Variants in DCC observed in about 807,000 individuals in gnomAD.
DCC encodes DCC netrin 1 receptor, also known as netrin receptor DCC.
DCC carries 58 observed loss-of-function variants against 172.5 expected under a neutral mutation model. That is an observed-to-expected ratio of 0.34 (90% CI 0.27 to 0.42). The LOEUF is 0.42. Among genes scored for constraint, DCC ranks in the 10% least tolerant of loss-of-function variants. DCC has a pLI of 1.00. For synonymous variants in DCC, 709 were observed against 644.5 expected, an observed-to-expected ratio of 1.10 and a Z score of -1.52; for missense variants, 1,740 against 1,791.0, an observed-to-expected ratio of 0.97 and a Z score of 0.51.
intron 1 of DCC, among the ~76,000 whole-genome samples, chr18:52,704,146 A>G (rs553350671): frequency 4.5e-4 from 65 of 145,292 alleles, no homozygotes; most frequent in Non-Finnish European, 7.2e-4. Context: ...AATGTAATAT[A>G]TTATTAATCT....
At chr18:52,901,462 T>A (rs1376221406) in intron 2 of DCC, among the ~76,000 whole-genome samples, 2 of 151,084 alleles carry the variant, frequency 1.3e-5, no homozygotes, top group Non-Finnish European at 2.9e-5. Flanking sequence ...TAAATAAAAA[T>A]AACAATCATA....
chr18:53,348,666 C>G (rs1327115403), intron 15 of DCC, among the ~76,000 whole-genome samples: 1 of 152,098 alleles, frequency 6.6e-6, no homozygotes, highest in Non-Finnish European at 1.5e-5. Flanking sequence ...TCCAGGTTCC[C>G]AAACCCCAAT....
At chr18:53,226,661 T>G (rs2056032940) in intron 12 of DCC, among the ~76,000 whole-genome samples, 1 of 151,836 alleles carries the variant, frequency 6.6e-6, no homozygotes, top group African/African-American at 2.4e-5. Flanking sequence ...AAAAGGGCCT[T>G]ACCTCATCCC....
intron 2 of DCC, among the ~76,000 whole-genome samples, chr18:52,886,603 CT>C (rs2039573050): frequency 6.6e-6 from 1 of 152,080 alleles, no homozygotes; most frequent in Non-Finnish European, 1.5e-5. Flanking sequence ...TATTCGTTGT[CT>C]TTTTTCCTGT....
Position 52,690,287 on chromosome 18 carries a change from C to T in DCC, c.92-61767C>T, listed in dbSNP as rs117129953. ...CCTTGGCTTCTGCCCTTAAGGAACT[C>T]AGCTGGGTGCAGAAAAAGACACATA... On this transcript the variant is annotated intron_variant, in intron 1 of 28. Transcript: ENST00000442544. Among the ~76,000 whole-genome samples the T allele has an allele frequency of 1.8e-3, 279 of 152,228 alleles. 4 individuals carry two copies. In the East Asian group the frequency reaches 0.048, roughly 26 times the overall value.
At chr18:53,304,417 A>G (rs2057176097) in intron 12 of DCC, among the ~76,000 whole-genome samples, 4 of 152,028 alleles carry the variant, frequency 2.6e-5, no homozygotes, top group Admixed American at 2.6e-4. Flanking sequence ...GGATTATATG[A>G]TATTCTACCC....
intron 5 of DCC, among the ~76,000 whole-genome samples, chr18:53,007,992 C>T (rs2041670781): frequency 6.6e-6 from 1 of 152,060 alleles, no homozygotes; most frequent in Non-Finnish European, 1.5e-5. Context: ...AATTCACCTG[C>T]AAATATGCTA....
intron 7 of DCC, among the ~76,000 whole-genome samples, chr18:53,110,565 A>G (rs1377937201): frequency 2.0e-5 from 3 of 151,842 alleles, no homozygotes; most frequent in Admixed American, 2.0e-4. Context: ...AAAAACAAAC[A>G]ACCCTATCAA....
At chr18:52,920,181 C>T (rs1461598781) in intron 3 of DCC, among the ~76,000 whole-genome samples, 1 of 151,794 alleles carries the variant, frequency 6.6e-6, no homozygotes, top group Non-Finnish European at 1.5e-5. Flanking sequence ...GGTATAACGT[C>T]TAAATAATCA....
At chr18:53,514,484 C>A (rs1285291803) in intron 27 of DCC, among the ~76,000 whole-genome samples, 1 of 151,692 alleles carries the variant, frequency 6.6e-6, no homozygotes, top group Non-Finnish European at 1.5e-5. Flanking sequence ...CAAAAAAAAC[C>A]CTTCAAAAAA....
At chr18:52,803,942 G>T (rs188696676) in intron 2 of DCC, among the ~76,000 whole-genome samples, 16 of 152,248 alleles carry the variant, frequency 1.1e-4, no homozygotes, top group African/African-American at 3.6e-4. Flanking sequence ...TTTTGCTGGG[G>T]ATGCAGCACC....
intron 5 of DCC, among the ~76,000 whole-genome samples, chr18:53,021,223 T>A (rs1229985234): frequency 6.6e-6 from 1 of 152,216 alleles, no homozygotes; most frequent in Non-Finnish European, 1.5e-5. Flanking sequence ...TGGCCCCGTG[T>A]TCATTCTTTC....
chr18:52,836,741 G>C (rs2038712673), intron 2 of DCC, among the ~76,000 whole-genome samples: 1 of 152,162 alleles, frequency 6.6e-6, no homozygotes, highest in South Asian at 2.1e-4. Context: ...GGCTCTTCCA[G>C]GTGCACAGTG....
chr18:52,793,908 A>G (rs2037822358), intron 2 of DCC, among the ~76,000 whole-genome samples: 3 of 152,066 alleles, frequency 2.0e-5, no homozygotes, highest in Non-Finnish European at 1.5e-5. Flanking sequence ...TCTCCAAGGT[A>G]TTCTCTTTGT....
At chr18:53,385,451 A>C (rs1024741199) in intron 15 of DCC, among the ~76,000 whole-genome samples, 1 of 152,070 alleles carries the variant, frequency 6.6e-6, no homozygotes, top group Non-Finnish European at 1.5e-5. Flanking sequence ...CTTCTCCCCT[A>C]CTTTTAACTG....
chr18:53,413,682 A>G (rs1910126862), intron 20 of DCC, among the ~76,000 whole-genome samples: 1 of 152,242 alleles, frequency 6.6e-6, no homozygotes. Flanking sequence ...GATTAAAGAT[A>G]AAGGGCAGAC....
chr18:52,758,167 A>G (rs146515312), intron 2 of DCC, among the ~76,000 whole-genome samples: 1 of 152,344 alleles, frequency 6.6e-6, no homozygotes, highest in Non-Finnish European at 1.5e-5. Context: ...ATAGCTATAC[A>G]TTCAATAGTG....
rs111384864 is a variant in DCC, at chr18:53,320,606, C to T, written c.2054-1441C>T. 3.1e-3 allele frequency among the ~76,000 whole-genome samples: 466 copies of T among 152,218 alleles called. 4 individuals are homozygous for T. Among genetic ancestry groups the T allele is most frequent in the African/African-American group, 0.011 (452 of 41,536 alleles). ...CCATGTTAACAAATCAAAGTGAGCACGAGCCTACTTAAGGAATGACAAAGG... is the reference window on the plus strand; with the variant it reads ...CCATGTTAACAAATCAAAGTGAGCATGAGCCTACTTAAGGAATGACAAAGG... On this transcript the variant is annotated intron_variant, in intron 13 of 28. Transcript: ENST00000442544.
chr18:52,687,201 T>C (rs1237188743), intron 1 of DCC, among the ~76,000 whole-genome samples: 2 of 152,048 alleles, frequency 1.3e-5, no homozygotes, highest in Non-Finnish European at 2.9e-5. Flanking sequence ...ACAATATGGA[T>C]ACATCTTGAA....
Sources: allele counts gnomAD v4.1 joint callset (sites outside exome capture counted in the v4.1 genomes callset), GRCh38; gene constraint gnomAD v4.1.1; transcripts MANE v1.5; gene names NCBI Gene and HGNC (gene_info 2026-07-23, HGNC 2026-07-21).